Variants in ADAMTSL1 observed in about 807,000 individuals in gnomAD.
ADAMTSL1 encodes the protein ADAMTS-like protein 1.
In ADAMTSL1, 126 loss-of-function variants were observed where a neutral mutation model predicts 201.8. The ratio of observed to expected loss-of-function variants is 0.62; its 90% CI spans 0.54 to 0.72. The LOEUF (loss-of-function observed/expected upper bound fraction) is 0.72. Among genes scored for constraint, ADAMTSL1 ranks in the 30% least tolerant of loss-of-function variants. ADAMTSL1 has a pLI of 0.00. For missense variants in ADAMTSL1, 2,679 were observed against 2,277.8 expected (o/e 1.18, Z -3.59); for synonymous variants, 1,121 against 903.4 (o/e 1.24, Z -4.32).
chr9:18,845,057 C>T lies in ADAMTSL1; in HGVS notation c.4249+15080C>T, dbSNP rs200276865. 1.3e-5 allele frequency among the ~76,000 whole-genome samples: 2 copies of T among 152,206 alleles called. 1 individual carries two copies. Among genetic ancestry groups the T allele is most frequent in the South Asian group, 4.1e-4 (2 of 4,830 alleles). Reference sequence around the variant, plus strand: ...TGCACTGCACCCACTGTCCTGCACCCACTGTCTGGCACTCCCTAGTGAGAT... The same window carrying T: ...TGCACTGCACCCACTGTCCTGCACCTACTGTCTGGCACTCCCTAGTGAGAT... On this transcript the variant is annotated intron_variant, in intron 23 of 28. Coordinates refer to ENST00000380548, the MANE Select transcript of ADAMTSL1 (RefSeq NM_001040272.6).
intron 1 of ADAMTSL1, among the ~76,000 whole-genome samples, chr9:17,952,887 T>A (rs1043680007): frequency 1.3e-5 from 2 of 151,784 alleles, no homozygotes; most frequent in Non-Finnish European, 2.9e-5. Context: ...AAGTCTTATC[T>A]GGAAAGCAGT....
intron 2 of ADAMTSL1, among the ~76,000 whole-genome samples, chr9:18,189,097 G>C (rs1200537191): frequency 6.6e-6 from 1 of 152,116 alleles, no homozygotes; most frequent in Non-Finnish European, 1.5e-5. Flanking sequence ...TAAGTAAATC[G>C]TTTATATTTC....
intron 25 of ADAMTSL1, among the ~76,000 whole-genome samples, chr9:18,891,966 C>T (rs761932545): frequency 2.0e-5 from 3 of 150,064 alleles, no homozygotes; most frequent in Non-Finnish European, 4.4e-5. Flanking sequence ...ACATCACCTC[C>T]AAATCACCTC....
intron 2 of ADAMTSL1, among the ~76,000 whole-genome samples, chr9:18,328,258 C>G (rs1023725572): frequency 6.6e-6 from 1 of 152,146 alleles, no homozygotes; most frequent in South Asian, 2.1e-4. Flanking sequence ...TATAATGACC[C>G]GCAGTTCTTA....
chr9:18,899,861 A>G (rs1563903036), intron 26 of ADAMTSL1, among the ~76,000 whole-genome samples: 1 of 152,096 alleles, frequency 6.6e-6, no homozygotes, highest in African/African-American at 2.4e-5. Context: ...AGGCAATACC[A>G]TTCAGAACAT....
chr9:18,337,572 T>C (rs775475591), intron 2 of ADAMTSL1, among the ~76,000 whole-genome samples: 4 of 152,294 alleles, frequency 2.6e-5, no homozygotes, highest in Non-Finnish European at 5.9e-5. Flanking sequence ...TGAAATTATA[T>C]AGTTAACCCA....
intron 22 of ADAMTSL1, 43 bp downstream of exon 22, chr9:18,826,506 G>T (rs1824579582): frequency 5.1e-6 from 8 of 1,577,000 alleles, no homozygotes; most frequent in Non-Finnish European, 6.9e-6. Flanking sequence ...ACCCTGTTGG[G>T]AGTGACTATC....
At chr9:18,419,731 C>A (rs1162847763) in intron 2 of ADAMTSL1, among the ~76,000 whole-genome samples, 1 of 125,320 alleles carries the variant, frequency 8.0e-6, no homozygotes, top group African/African-American at 3.0e-5. Flanking sequence ...ATTTATTTGA[C>A]TTTTTTTTTT....
chr9:18,379,026 A>T (rs1837431242), intron 2 of ADAMTSL1, among the ~76,000 whole-genome samples: 1 of 152,228 alleles, frequency 6.6e-6, no homozygotes, highest in Non-Finnish European at 1.5e-5. Flanking sequence ...CTCACGAAGG[A>T]GTCAGAAACA....
At chr9:18,264,924 T>C (rs1037719190) in intron 2 of ADAMTSL1, among the ~76,000 whole-genome samples, 1 of 152,196 alleles carries the variant, frequency 6.6e-6, no homozygotes, top group African/African-American at 2.4e-5. Context: ...CTCTGTTACA[T>C]ACATAAATAA....
chr9:18,352,042 T>A (rs890762640), intron 2 of ADAMTSL1, among the ~76,000 whole-genome samples: 2 of 152,148 alleles, frequency 1.3e-5, no homozygotes, highest in African/African-American at 4.8e-5. Flanking sequence ...AGTAGCTATG[T>A]AGTGGCTAGG....
intron 2 of ADAMTSL1, among the ~76,000 whole-genome samples, chr9:18,211,889 A>G (rs1385034480): frequency 1.3e-5 from 2 of 152,220 alleles, no homozygotes; most frequent in African/African-American, 4.8e-5. Context: ...CCAGCCCTCA[A>G]CAACCCAGTT....
intron 1 of ADAMTSL1, among the ~76,000 whole-genome samples, chr9:18,127,530 C>T (rs1825790765): frequency 6.8e-6 from 1 of 146,198 alleles, no homozygotes; most frequent in Non-Finnish European, 1.5e-5. Flanking sequence ...ACAACACATG[C>T]TTTAATAGAA....
At chr9:18,591,369 G>C (rs1823903537) in intron 4 of ADAMTSL1, among the ~76,000 whole-genome samples, 1 of 152,118 alleles carries the variant, frequency 6.6e-6, no homozygotes, top group Non-Finnish European at 1.5e-5. Context: ...TTTGCATGGA[G>C]TATCTTTTCC....
At chr9:18,181,467 G>C (rs1196368382) in intron 2 of ADAMTSL1, among the ~76,000 whole-genome samples, 7 of 151,924 alleles carry the variant, frequency 4.6e-5, no homozygotes, top group Non-Finnish European at 1.0e-4. Flanking sequence ...CGATCAAAAA[G>C]TGGGCGAAGG....
intron 4 of ADAMTSL1, among the ~76,000 whole-genome samples, chr9:18,602,629 G>A (rs973154611): frequency 6.6e-6 from 1 of 152,110 alleles, no homozygotes; most frequent in Non-Finnish European, 1.5e-5. Context: ...CCCTTCCCAG[G>A]TTGTTGAGAA....
chr9:18,568,014 G>A (rs75062240), intron 3 of ADAMTSL1, among the ~76,000 whole-genome samples: 1,597 of 152,192 alleles, frequency 0.01, 15 homozygotes, highest in East Asian at 0.043. Flanking sequence ...AAACTTAAGT[G>A]AATGTGATCT....
intron 28 of ADAMTSL1, chr9:18,908,116 G>C: frequency 8.3e-6 from 3 of 360,608 alleles, no homozygotes; most frequent in Non-Finnish European, 1.6e-5. Flanking sequence ...TGATCACCTA[G>C]GAGATGAGGT....
At position 18,906,823 on chromosome 9, in the gene ADAMTSL1, G is replaced by A. The variant is rs200303049; in HGVS notation, c.5093G>A (p.Arg1698His). ...CGGCGTGTGGAGTGTGTGCATGCCC[G>A]CACCAACAAGGCAGTGCCTGAGCAC... is the stretch of plus-strand genomic sequence containing the variant. ...QSRRVECVHA[R>H]TNKAVPEHLC... Residue 1698 changes from arginine to histidine, a missense_variant, in exon 28 of 29, where the codon CGC becomes CAC. Transcript: ENST00000380548. 61 of 1,613,890 alleles carry A rather than the reference G, an allele frequency of 3.8e-5. No individual in the cohort carries two copies. Among genetic ancestry groups the A allele is most frequent in the Non-Finnish European group, 3.5e-5 (41 of 1,179,898 alleles).
Sources: gnomAD v4.1 joint callset for allele counts (sites outside exome capture counted in the v4.1 genomes callset) on GRCh38, gnomAD v4.1.1 for gene constraint, MANE v1.5 for transcripts, NCBI Gene and HGNC (gene_info 2026-07-23, HGNC 2026-07-21) for gene names.